The following NDUFAF2 variants were observed in gnomAD, a reference collection of about 807,000 sequenced individuals.
NDUFAF2 encodes the protein NADH dehydrogenase [ubiquinone] 1 alpha subcomplex assembly factor 2.
In NDUFAF2, 13 loss-of-function variants were observed where a neutral mutation model predicts 22.8. That is an observed-to-expected ratio of 0.57 (90% CI 0.37 to 0.91). The LOEUF is 0.91. Among genes scored for constraint, NDUFAF2 ranks in the 40% least tolerant of loss-of-function variants. NDUFAF2 has a pLI of 0.01. For synonymous variants in NDUFAF2, 53 were observed against 64.2 expected, an observed-to-expected ratio of 0.83 and a Z score of 0.84; for missense variants, 162 against 195.2, an observed-to-expected ratio of 0.83 and a Z score of 1.01.
At chr5:61,123,969 CAT>C (rs1203768928) in intron 3 of NDUFAF2, among the ~76,000 whole-genome samples, 1 of 152,018 alleles carries the variant, frequency 6.6e-6, no homozygotes, top group Non-Finnish European at 1.5e-5. Context: ...TGGAAGGAAA[CAT>C]AAATACAAAA....
chr5:61,105,120 G>T (rs1260277649), intron 3 of NDUFAF2, among the ~76,000 whole-genome samples: 1 of 146,902 alleles, frequency 6.8e-6, no homozygotes, highest in Non-Finnish European at 1.5e-5. Flanking sequence ...CATGACAGTA[G>T]TTATACTCTG....
intron 2 of NDUFAF2, 89 bp from the exon 3 acceptor site, chr5:61,098,903 A>G: frequency 1.2e-6 from 1 of 865,176 alleles, no homozygotes; most frequent in Non-Finnish European, 1.9e-6. Context: ...AATAATATGG[A>G]GTAGGTACTC....
intron 3 of NDUFAF2, among the ~76,000 whole-genome samples, chr5:61,125,492 C>T (rs1282754120): frequency 6.6e-6 from 1 of 151,974 alleles, no homozygotes; most frequent in Admixed American, 6.6e-5. Context: ...CATTTCATGC[C>T]ATGTGCCTAT....
At chr5:61,003,011 GACCAATAGA>G (rs1751317319) in intron 1 of NDUFAF2, among the ~76,000 whole-genome samples, 1 of 152,040 alleles carries the variant, frequency 6.6e-6, no homozygotes, top group South Asian at 2.1e-4. Flanking sequence ...AGTAACTGTA[GACCAATAGA>G]ACATGAATGG....
intron 1 of NDUFAF2, among the ~76,000 whole-genome samples, chr5:60,948,671 G>A (rs1406306960): frequency 2.0e-5 from 3 of 151,230 alleles, no homozygotes; most frequent in Admixed American, 1.3e-4. Context: ...TCCATTGTAT[G>A]TATATACCAT....
At chr5:60,994,780 C>A (rs1269815016) in intron 1 of NDUFAF2, among the ~76,000 whole-genome samples, 1 of 152,148 alleles carries the variant, frequency 6.6e-6, no homozygotes, top group Non-Finnish European at 1.5e-5. Context: ...AATAAACTTT[C>A]CACTTTTATC....
intron 2 of NDUFAF2, among the ~76,000 whole-genome samples, chr5:61,077,011 G>A (rs1381716213): frequency 2.6e-5 from 4 of 152,190 alleles, no homozygotes; most frequent in African/African-American, 9.7e-5. Context: ...TGCAGTTAAA[G>A]GAGTGCAGTG....
chr5:60,954,859 C>T (rs934381526), intron 1 of NDUFAF2, among the ~76,000 whole-genome samples: 1 of 151,640 alleles, frequency 6.6e-6, no homozygotes, highest in Admixed American at 6.6e-5. Context: ...TTTTCATATA[C>T]TTGTTGGCTA....
chr5:61,067,309 CT>C lies in NDUFAF2; in HGVS notation c.128-5815del, dbSNP rs1162429584. Among the ~76,000 whole-genome samples, 448 of 146,886 alleles carry C rather than the reference CT, an allele frequency of 3.0e-3. 2 individuals carry two copies. The highest frequency in any genetic ancestry group is 9.9e-3 in the African/African-American group (392 of 39,646). Reference sequence around the variant, plus strand: ...TATCTCCTAATGCTATCCCTCCCCCCTCCCCCTACCCCACAACAGTCCCCAG... The same window carrying C: ...TATCTCCTAATGCTATCCCTCCCCCCCCCCCTACCCCACAACAGTCCCCAG... On this transcript the variant is annotated intron_variant, in intron 1 of 3. Coordinates refer to ENST00000296597, the MANE Select transcript of NDUFAF2 (RefSeq NM_174889.5).
At chr5:61,033,495 A>G (rs1273359130) in intron 1 of NDUFAF2, among the ~76,000 whole-genome samples, 2 of 152,146 alleles carry the variant, frequency 1.3e-5, no homozygotes, top group Non-Finnish European at 2.9e-5. Flanking sequence ...ATTTTGTGAT[A>G]TAGATTTAAT....
intron 1 of NDUFAF2, among the ~76,000 whole-genome samples, chr5:61,011,674 C>A (rs1223968598): frequency 6.6e-6 from 1 of 152,050 alleles, no homozygotes; most frequent in African/African-American, 2.4e-5. Context: ...TCCAACATCT[C>A]CTTTTAGGTT....
At chr5:61,020,617 G>T (rs989950072) in intron 1 of NDUFAF2, among the ~76,000 whole-genome samples, 5 of 151,896 alleles carry the variant, frequency 3.3e-5, no homozygotes, top group Non-Finnish European at 5.9e-5. Flanking sequence ...AGGTCTCGCT[G>T]TGTTGCCCTG....
chr5:61,008,667 C>G (rs1228402032), intron 1 of NDUFAF2, among the ~76,000 whole-genome samples: 1 of 152,086 alleles, frequency 6.6e-6, no homozygotes, highest in African/African-American at 2.4e-5. Context: ...CCACCTTTAT[C>G]TTTACTTTCA....
In NDUFAF2 at chr5:61,120,590, G is replaced by T. The variant is rs867206537; in HGVS notation, c.258+21558G>T. Among the ~76,000 whole-genome samples the T allele has an allele frequency of 2.0e-5, 3 of 152,034 alleles. No individual in the cohort carries two copies. In the Middle Eastern group the frequency reaches 0.01, roughly 517 times the overall value. Reference sequence around the variant, plus strand: ...ACTTTTAAGGGGCAAAATATAAAAGGTTTTTAAAATAAGTTGAATATAAAT... The same window carrying T: ...ACTTTTAAGGGGCAAAATATAAAAGTTTTTTAAAATAAGTTGAATATAAAT... On this transcript the variant is annotated intron_variant, in intron 3 of 3. Coordinates refer to ENST00000296597, the MANE Select transcript of NDUFAF2 (RefSeq NM_174889.5).
intron 1 of NDUFAF2, among the ~76,000 whole-genome samples, chr5:61,041,959 C>G (rs1196105707): frequency 6.6e-6 from 1 of 152,182 alleles, no homozygotes; most frequent in African/African-American, 2.4e-5. Flanking sequence ...GTTTTCCTGA[C>G]ATATCATGTG....
At chr5:61,040,404 AC>A (rs1751866016) in intron 1 of NDUFAF2, among the ~76,000 whole-genome samples, 1 of 151,746 alleles carries the variant, frequency 6.6e-6, no homozygotes. Flanking sequence ...CCTTCAGAGG[AC>A]CCTCCCTCCC....
At chr5:61,047,527 A>C (rs1751968604) in intron 1 of NDUFAF2, among the ~76,000 whole-genome samples, 1 of 152,152 alleles carries the variant, frequency 6.6e-6, no homozygotes, top group African/African-American at 2.4e-5. Flanking sequence ...GAGGCATTTG[A>C]GTTAGGGGCT....
intron 1 of NDUFAF2, among the ~76,000 whole-genome samples, chr5:60,969,202 G>C (rs1371873311): frequency 6.6e-6 from 1 of 152,026 alleles, no homozygotes; most frequent in East Asian, 1.9e-4. Context: ...TTGATATACT[G>C]TTTTCCTGTC....
intron 3 of NDUFAF2, among the ~76,000 whole-genome samples, chr5:61,147,257 T>C: frequency 7.1e-6 from 1 of 141,202 alleles, no homozygotes; most frequent in Non-Finnish European, 1.5e-5. Context: ...TTTTGGAAGC[T>C]TTTTTTTTTG....
Sources: allele counts gnomAD v4.1 joint callset (sites outside exome capture counted in the v4.1 genomes callset), GRCh38; gene constraint gnomAD v4.1.1; transcripts MANE v1.5; gene names NCBI Gene and HGNC (gene_info 2026-07-23, HGNC 2026-07-21).